RASAL2: variants seen among roughly 807,000 people sequenced by gnomAD.
The protein encoded by RASAL2 is ras GTPase-activating protein nGAP.
A neutral mutation model predicts 128.9 loss-of-function variants in RASAL2; 58 were observed. That is an observed-to-expected ratio of 0.45 (90% CI 0.36 to 0.56). The LOEUF is 0.56. RASAL2 is among the 20% of genes least tolerant of loss of function. The probability of loss-of-function intolerance (pLI) is 0.00; values close to 1 mark genes in which losing one functional copy is unlikely to be tolerated. For missense variants in RASAL2, 1,360 were observed against 1,601.6 expected (o/e 0.85, Z 2.57); for synonymous variants, 561 against 580.8 (o/e 0.97, Z 0.49).
intron 1 of RASAL2, among the ~76,000 whole-genome samples, chr1:178,101,105 G>A (rs1043373444): frequency 6.6e-6 from 1 of 152,114 alleles, no homozygotes; most frequent in African/African-American, 2.4e-5. Flanking sequence ...TAGTGAGAGG[G>A]CAGCCCATCA....
At chr1:178,395,181 C>G (rs1370859124) in intron 4 of RASAL2, among the ~76,000 whole-genome samples, 2 of 152,210 alleles carry the variant, frequency 1.3e-5, no homozygotes, top group Admixed American at 1.3e-4. Flanking sequence ...GATGCTTAGA[C>G]TCCACCTCAG....
chr1:178,253,114 A>T (rs1328474104), intron 1 of RASAL2, among the ~76,000 whole-genome samples: 1 of 152,078 alleles, frequency 6.6e-6, no homozygotes, highest in Admixed American at 6.6e-5. Context: ...AATCTGTTTC[A>T]TGCCTCTCTC....
intron 1 of RASAL2, among the ~76,000 whole-genome samples, chr1:178,248,577 A>G (rs1664890381): frequency 6.6e-6 from 1 of 152,118 alleles, no homozygotes; most frequent in Non-Finnish European, 1.5e-5. Context: ...TGTGAATTTG[A>G]TCCTGTCATC....
chr1:178,104,479 C>T (rs1414782771), intron 1 of RASAL2, among the ~76,000 whole-genome samples: 2 of 152,036 alleles, frequency 1.3e-5, no homozygotes, highest in Non-Finnish European at 2.9e-5. Context: ...ACTGATTTGT[C>T]TTTGTGCACA....
intron 1 of RASAL2, among the ~76,000 whole-genome samples, chr1:178,262,649 A>G (rs2102139256): frequency 6.6e-6 from 1 of 152,320 alleles, no homozygotes; most frequent in South Asian, 2.1e-4. Flanking sequence ...ATAGATGAAG[A>G]AGATCAATTA....
intron 3 of RASAL2, chr1:178,372,429 G>A (rs979940100): frequency 2.3e-6 from 2 of 859,034 alleles, no homozygotes; most frequent in Admixed American, 1.2e-4. Context: ...TTTTTAAAAG[G>A]AGAAGAGGAA....
intron 1 of RASAL2, among the ~76,000 whole-genome samples, chr1:178,197,158 C>A (rs999414599): frequency 6.6e-6 from 1 of 152,072 alleles, no homozygotes; most frequent in African/African-American, 2.4e-5. Flanking sequence ...TACTGAAATA[C>A]AAAAATTAGC....
chr1:178,322,741 A>G (rs1668851859), intron 3 of RASAL2, among the ~76,000 whole-genome samples: 1 of 152,162 alleles, frequency 6.6e-6, no homozygotes, highest in Non-Finnish European at 1.5e-5. Flanking sequence ...ATTGAATCAT[A>G]CTACTTTCCT....
chr1:178,298,128 A>G (rs1357901634), intron 2 of RASAL2, among the ~76,000 whole-genome samples: 2 of 152,152 alleles, frequency 1.3e-5, no homozygotes, highest in African/African-American at 4.8e-5. Context: ...CAGATACAGG[A>G]TATGTTTCGC....
intron 4 of RASAL2, among the ~76,000 whole-genome samples, chr1:178,393,613 G>A (rs1474236556): frequency 6.6e-6 from 1 of 152,186 alleles, no homozygotes; most frequent in Non-Finnish European, 1.5e-5. Context: ...CTGGTCCATG[G>A]CCCTGGGGTT....
chr1:178,345,174 C>A (rs142225702), intron 3 of RASAL2, among the ~76,000 whole-genome samples: 6 of 152,092 alleles, frequency 3.9e-5, no homozygotes, highest in Non-Finnish European at 8.8e-5. Context: ...GTTAATAATA[C>A]GACTCTATAG....
chr1:178,153,148 T>A (rs926518660), intron 1 of RASAL2, among the ~76,000 whole-genome samples: 3 of 152,192 alleles, frequency 2.0e-5, no homozygotes, highest in Non-Finnish European at 4.4e-5. Context: ...CAGGGTTGAT[T>A]ATCTTGTATA....
intron 1 of RASAL2, chr1:178,123,253 A>G (rs1220480552): frequency 6.6e-6 from 1 of 152,210 alleles, no homozygotes; most frequent in Non-Finnish European, 1.5e-5. Flanking sequence ...CGTATTGCTC[A>G]CCTGTTTAAG....
intron 1 of RASAL2, among the ~76,000 whole-genome samples, chr1:178,169,178 G>A (rs1180418504): frequency 1.3e-5 from 2 of 151,834 alleles, no homozygotes; most frequent in Non-Finnish European, 2.9e-5. Flanking sequence ...TACTTACCTA[G>A]TACACGAAAA....
At chr1:178,270,926 T>A (rs1666215646) in intron 1 of RASAL2, among the ~76,000 whole-genome samples, 1 of 152,208 alleles carries the variant, frequency 6.6e-6, no homozygotes, top group Admixed American at 6.5e-5. Flanking sequence ...GAGAGTCAAA[T>A]GGGAGTTGAA....
At chr1:178,306,601 G>C (rs1262219910) in intron 3 of RASAL2, among the ~76,000 whole-genome samples, 1 of 151,934 alleles carries the variant, frequency 6.6e-6, no homozygotes, top group Admixed American at 6.6e-5. Flanking sequence ...TAACTGGTGT[G>C]AGATGGTATC....
At chr1:178,119,148 G>A (rs1349301757) in intron 1 of RASAL2, among the ~76,000 whole-genome samples, 3 of 152,132 alleles carry the variant, frequency 2.0e-5, no homozygotes, top group South Asian at 2.1e-4. Flanking sequence ...GATTCCAGGC[G>A]TGAGCCACCA....
intron 3 of RASAL2, among the ~76,000 whole-genome samples, chr1:178,343,154 T>C (rs1027022043): frequency 6.6e-6 from 1 of 152,208 alleles, no homozygotes; most frequent in Non-Finnish European, 1.5e-5. Flanking sequence ...TGTCCTTTTG[T>C]ATTAAAGCCT....
chr1:178,411,165 T>TACACAC (rs138482764), intron 4 of RASAL2, among the ~76,000 whole-genome samples: 1 of 149,562 alleles, frequency 6.7e-6, no homozygotes, highest in African/African-American at 2.5e-5. Context: ...TGTGTGTGTG[T>TACACAC]ACACACACAC....
Sources: allele counts gnomAD v4.1 joint callset (sites outside exome capture counted in the v4.1 genomes callset), GRCh38; gene constraint gnomAD v4.1.1; transcripts MANE v1.5; gene names NCBI Gene and HGNC (gene_info 2026-07-23, HGNC 2026-07-21).